Variants in SLC26A6 observed in about 807,000 individuals in gnomAD.
SLC26A6 encodes the protein anion exchange transporter.
Under a neutral mutation model 87.1 loss-of-function variants are expected in SLC26A6, and 67 were observed. The ratio of observed to expected loss-of-function variants is 0.77; its 90% confidence interval spans 0.63 to 0.94. The LOEUF (loss-of-function observed/expected upper bound fraction) is 0.94, where lower values mean the gene tolerates loss of function less well. Ranked by LOEUF, SLC26A6 falls within the 40% of genes least tolerant of loss-of-function variation. The pLI is 0.00. For missense variants in SLC26A6, 902 were observed against 973.0 expected (o/e 0.93, Z 0.97); for synonymous variants, 414 against 405.9 (o/e 1.02, Z -0.24).
chr3:48,632,415 G>A lies in SLC26A6; in HGVS notation c.434-19C>T. 2.5e-6 allele frequency: 4 copies of A among 1,596,802 alleles called. No individual in the cohort carries two copies. Among genetic ancestry groups the A allele is most frequent in the Non-Finnish European group, 3.4e-6 (4 of 1,170,486 alleles). ...AAGGTCCCTGTAAGGACGGCACGGGGCAGGTCTGAAGAGGAGAGGACACTG... is the reference window on the plus strand; with the variant it reads ...AAGGTCCCTGTAAGGACGGCACGGGACAGGTCTGAAGAGGAGAGGACACTG... On this transcript the variant is annotated intron_variant, in intron 4 of 20. Transcript: ENST00000395550.
chr3:48,631,092 CACG>C lies in SLC26A6; in HGVS notation c.1032_1034del (p.Val345del). 1 of 1,613,738 alleles carries C rather than the reference CACG, an allele frequency of 6.2e-7. No homozygotes were observed. The highest frequency in any genetic ancestry group is 8.5e-7 in the Non-Finnish European group (1 of 1,180,042). On this transcript the variant is annotated inframe_deletion, in exon 9 of 21. Transcript: ENST00000395550. The stretch of plus-strand genomic sequence containing the variant: ...CCACAGCGATGGTGAAGGCGCTGCC[CACG>C]AGCTTTGAGAACAGCTGGGTGTTGG...
At position 48,630,726 on chromosome 3, in the gene SLC26A6, G is replaced by T; in HGVS notation, c.1135-6C>A. On this transcript the variant is annotated splice_polypyrimidine_tract_variant and splice_region_variant and intron_variant, in intron 9 of 20. Transcript: ENST00000395550. Reference sequence around the variant, plus strand: ...AGGCCCAGGGCCACCAGCTCCTGACGGGGGACAGTACGGGTGTGAGAAGAC... The same window carrying T: ...AGGCCCAGGGCCACCAGCTCCTGACTGGGGACAGTACGGGTGTGAGAAGAC... The T allele has an allele frequency of 1.3e-6, 2 of 1,592,154 alleles. No homozygotes were observed. Among genetic ancestry groups the T allele is most frequent in the East Asian group, 2.3e-5 (1 of 43,912 alleles).
At position 48,626,254 on chromosome 3, in the gene SLC26A6, G is replaced by C. The variant is rs2046617843; in HGVS notation, c.2229C>G (p.Leu743=). Reference sequence around the variant, plus strand: ...TGTCGGGGACAGGCCTCGGGTGTTGGAGGGCAAAGGTGACAGCATCATGGA... The same window carrying C: ...TGTCGGGGACAGGCCTCGGGTGTTGCAGGGCAAAGGTGACAGCATCATGGA... ...ASVHDAVTFA[L]QHPRPVPDSP... is the part of the protein sequence containing the mutation. Residue 743 remains leucine, a synonymous_variant, in exon 20 of 21, where the codon CTC becomes CTG. Coordinates refer to ENST00000395550, the MANE Select transcript of SLC26A6 (RefSeq NM_022911.3). 1.2e-6 allele frequency: 2 copies of C among 1,613,962 alleles called. No homozygotes were observed. Among genetic ancestry groups the C allele is most frequent in the Non-Finnish European group, 1.7e-6 (2 of 1,180,014 alleles).
At chr3:48,627,117 C>T (rs2046647524) in intron 17 of SLC26A6, 62 bp from the exon 18 acceptor site, 1 of 1,563,752 alleles carries the variant, frequency 6.4e-7, no homozygotes, top group Non-Finnish European at 8.7e-7. Flanking sequence ...ACTGGCCGCA[C>T]ACAGACACGC....
rs766800122 is a variant in SLC26A6 at position 48,630,164 on chromosome 3, TG to T, written c.1327-8del. ...TGATGGCTGCCAGGACCGCCTGGGG[TG>T]GGGACAGTGCCACCAGGGGCCATTG... On this transcript the variant is annotated splice_region_variant and splice_polypyrimidine_tract_variant and intron_variant, in intron 11 of 20. Coordinates refer to ENST00000395550, the MANE Select transcript of SLC26A6 (RefSeq NM_022911.3). 1 of 1,604,694 alleles carries T rather than the reference TG, an allele frequency of 6.2e-7. No homozygotes were observed. Among genetic ancestry groups the T allele is most frequent in the East Asian group, 2.2e-5 (1 of 44,600 alleles).
chr3:48,634,880 G>T (rs1253333580), intron 1 of SLC26A6: 2 of 472,810 alleles, frequency 4.2e-6, no homozygotes, highest in African/African-American at 2.1e-5. Context: ...TTCTTAAAGG[G>T]CTCCCTCCCC....
At position 48,628,021 on chromosome 3, in the gene SLC26A6, G is replaced by A. The variant is rs199596871; in HGVS notation, c.1818C>T (p.Gly606=). 4,813 of 1,580,388 alleles carry A rather than the reference G, an allele frequency of 3.0e-3. 8 individuals carry two copies. The highest frequency in any genetic ancestry group is 3.7e-3 in the Non-Finnish European group (4,278 of 1,168,730). ...TGTTGACATTAATGGAAACTGAGGC[G>A]CCCTTGGGGGAGGCAGCCTACACCA... ...KLRKQAASPK[G]ASVSINVNTS... is the part of the protein sequence containing the mutation. Residue 606 remains glycine, a synonymous_variant, in exon 17 of 21, where the codon GGC becomes GGT. Transcript: ENST00000395550. The surrounding 1 kb of genome is among the most constrained non-coding windows in gnomAD (Gnocchi z 4.4).
chr3:48,628,905 G>A lies in SLC26A6; in HGVS notation c.1600-191C>T, dbSNP rs1007600459. 3.3e-5 allele frequency among the ~76,000 whole-genome samples: 5 copies of A among 151,938 alleles called. No homozygotes were observed. The highest frequency in any genetic ancestry group is 1.2e-4 in the African/African-American group (5 of 41,348). On this transcript the variant is annotated intron_variant, in intron 14 of 20. Coordinates refer to ENST00000395550, the MANE Select transcript of SLC26A6 (RefSeq NM_022911.3). This position sits in a 1 kb window ranked among gnomAD's most constrained non-coding sequence, Gnocchi z 4.4. ...GGTGTCATCCCCATCCCCCCACAGT[G>A]CCTCTCCCTCCCCACCTCTCCTGCC...
intron 20 of SLC26A6, 94 bp downstream of exon 20, chr3:48,626,124 T>C: frequency 6.2e-7 from 1 of 1,610,564 alleles, no homozygotes; most frequent in Non-Finnish European, 8.5e-7. Context: ...GACAGAGCCA[T>C]GGCCACCAGG....
At position 48,632,409 on chromosome 3, in the gene SLC26A6, C is replaced by A; in HGVS notation, c.434-13G>T. 1 of 1,598,778 alleles carries A rather than the reference C, an allele frequency of 6.3e-7. No individual in the cohort carries two copies. The highest frequency in any genetic ancestry group is 1.1e-5 in the South Asian group (1 of 88,852). ...ACAGCAAAGGTCCCTGTAAGGACGG[C>A]ACGGGGCAGGTCTGAAGAGGAGAGG... On this transcript the variant is annotated splice_polypyrimidine_tract_variant and intron_variant, in intron 4 of 20. Coordinates refer to ENST00000395550, the MANE Select transcript of SLC26A6 (RefSeq NM_022911.3).
chr3:48,631,100 T>C lies in SLC26A6; in HGVS notation c.1027A>G (p.Lys343Glu), dbSNP rs561484777. 7.4e-6 allele frequency: 12 copies of C among 1,613,614 alleles called. No individual in the cohort carries two copies. The African/African-American group carries it at 1.2e-4, about 16-fold the overall frequency. ...ATGGTGAAGGCGCTGCCCACGAGCT[T>C]TGAGAACAGCTGGGTGTTGGGGGCC... Reference protein sequence around the residue: ...PVAPNTQLFSKLVGSAFTIAV... With the variant: ...PVAPNTQLFSELVGSAFTIAV... Residue 343 changes from lysine to glutamate, a missense_variant, in exon 9 of 21, where the codon AAG (lysine) becomes GAG (glutamate). By Grantham distance (56) the Lys-to-Glu change is moderately conservative. This residue lies in a region of SLC26A6 where 800 missense variants were observed against 856.8 expected (regional missense o/e 0.93). Transcript: ENST00000395550.
Position 48,631,286 on chromosome 3 carries a change from G to A in SLC26A6, c.924C>T (p.Ile308=), listed in dbSNP as rs538604678. ...TGTGCTTTAGACCCATGCCATAGGA[G>A]ATGCCTGTGGCCCCGATGAGCTGTG... ...ELLTLIGATG[I]SYGMGLKHRF... Residue 308 remains isoleucine, a synonymous_variant, in exon 8 of 21, where the codon ATC becomes ATT. Transcript: ENST00000395550. 1.5e-4 allele frequency: 246 copies of A among 1,602,776 alleles called. 1 individual carries two copies. The South Asian group carries it at 2.6e-3, about 17-fold the overall frequency.
chr3:48,627,825 G>T, intron 17 of SLC26A6, 121 bp downstream of exon 17: 1 of 850,594 alleles, frequency 1.2e-6, no homozygotes, highest in Non-Finnish European at 1.8e-6. Flanking sequence ...CACTCCTCCT[G>T]CCATCGGCGC....
intron 5 of SLC26A6, 26 bp downstream of exon 5, chr3:48,632,219 G>A (rs1176086020): frequency 6.4e-7 from 1 of 1,573,152 alleles, no homozygotes. Context: ...GGTGGTGGGG[G>A]GCACATACTC....
intron 4 of SLC26A6, 23 bp from the exon 5 acceptor site, chr3:48,632,419 G>T (rs765102841): frequency 6.3e-7 from 1 of 1,594,726 alleles, no homozygotes. Flanking sequence ...CACGGGGCAG[G>T]TCTGAAGAGG....
Position 48,628,074 on chromosome 3 carries a change from G to GC in SLC26A6, c.1801-37dup. 1 of 1,524,734 alleles carries GC rather than the reference G, an allele frequency of 6.6e-7. No homozygotes were observed. The highest frequency in any genetic ancestry group is 1.3e-5 in the South Asian group (1 of 78,042). The allele number at this position is 1,524,734 out of a possible 1,614,324, so 94.5% of individuals were successfully genotyped here. A position where few individuals can be genotyped will look rare whatever the true frequency, so the allele number is the denominator to read the frequency against. ...GAAGACAGGGAATGGGAAACAGCTAGCCCGGCTGCCATGACAGCCATGTCA... is the reference window on the plus strand; with the variant it reads ...GAAGACAGGGAATGGGAAACAGCTAGCCCCGGCTGCCATGACAGCCATGTCA... On this transcript the variant is annotated intron_variant, in intron 16 of 20. Coordinates refer to ENST00000395550, the MANE Select transcript of SLC26A6 (RefSeq NM_022911.3). This position sits in a 1 kb window ranked among gnomAD's most constrained non-coding sequence, Gnocchi z 4.4.
chr3:48,629,809 T>C, intron 13 of SLC26A6, 63 bp downstream of exon 13: 2 of 1,611,056 alleles, frequency 1.2e-6, no homozygotes, highest in Non-Finnish European at 1.7e-6. Context: ...TGGGGAAAGC[T>C]GCGGGGAGCC....
At chr3:48,631,538 A>AC in intron 7 of SLC26A6, 111 bp downstream of exon 7, 1 of 1,411,662 alleles carries the variant, frequency 7.1e-7, no homozygotes, top group Non-Finnish European at 9.5e-7. Context: ...ATACCCAAGA[A>AC]CCCTCCCAGC....
chr3:48,629,722 G>C lies in SLC26A6; in HGVS notation c.1530-11C>G. ...ACAGAGTAGTGGGGCCTGTGAAGGA[G>C]AGAGAGAATGCACGAAGAGGGGGCA... On this transcript the variant is annotated splice_polypyrimidine_tract_variant and intron_variant, in intron 13 of 20. Transcript: ENST00000395550. The C allele has an allele frequency of 1.2e-6, 2 of 1,612,978 alleles. No homozygotes were observed. Among genetic ancestry groups the C allele is most frequent in the Non-Finnish European group, 1.7e-6 (2 of 1,179,360 alleles).
Sources: gnomAD v4.1 joint callset for allele counts (sites outside exome capture counted in the v4.1 genomes callset) on GRCh38, gnomAD v4.1.1 for gene constraint, gnomAD v4.1.1 regional missense constraint, Gnocchi (gnomAD v3.1) non-coding constraint, MANE v1.5 for transcripts, NCBI Gene and HGNC (gene_info 2026-07-23, HGNC 2026-07-21) for gene names.